The following PCDHGA1 variants were observed in gnomAD, a reference collection of about 807,000 sequenced individuals.
PCDHGA1 encodes protocadherin gamma subfamily A, 1.
PCDHGA1 carries 32 observed loss-of-function variants against 58.0 expected under a neutral mutation model. That is an observed-to-expected ratio of 0.55 (90% confidence interval 0.42 to 0.74). The LOEUF (loss-of-function observed/expected upper bound fraction) is 0.74, where lower values mean the gene tolerates loss of function less well. Among genes scored for constraint, PCDHGA1 ranks in the 30% least tolerant of loss-of-function variants. The probability of loss-of-function intolerance (pLI) is 0.00; values close to 1 mark genes in which losing one functional copy is unlikely to be tolerated. For synonymous variants in PCDHGA1, 498 were observed against 501.1 expected (o/e 0.99, Z 0.08); for missense variants, 1,205 against 1,182.3 (o/e 1.02, Z -0.28).
At chr5:141,505,344 AGCT>A in intron 2 of PCDHGA1, 46 bp from the exon 3 acceptor site, 1 of 1,613,046 alleles carries the variant, frequency 6.2e-7, no homozygotes, top group South Asian at 1.1e-5. Flanking sequence ...GAGGGGCATG[AGCT>A]GTGCCGGCCT....
At chr5:141,372,149 C>T in intron 1 of PCDHGA1, 2 of 1,613,782 alleles carry the variant, frequency 1.2e-6, no homozygotes, top group Non-Finnish European at 1.7e-6. Context: ...CAGAGCCTGG[C>T]TACCTGGTGA....
chr5:141,344,438 A>G, intron 1 of PCDHGA1: 1 of 1,613,630 alleles, frequency 6.2e-7, no homozygotes. Flanking sequence ...ATTTCCCAAC[A>G]GAGGAATTGG....
chr5:141,393,874 G>C, intron 1 of PCDHGA1: 1 of 1,613,944 alleles, frequency 6.2e-7, no homozygotes. Context: ...TCTTTGTTTA[G>C]CCCAGTGTTA....
rs777058727 is a variant in PCDHGA1 at position 141,431,947 on chromosome 5, A to G, written c.2422-62860A>G. 6 of 1,614,052 alleles carry G rather than the reference A, an allele frequency of 3.7e-6. No homozygotes were observed. The highest frequency in any genetic ancestry group is 2.2e-5 in the East Asian group (1 of 44,894). ...GAAATCTGCCCTTTAAATTAGAAAAATCTTACGGAAATTACTATAGTTTAG... is the reference window on the plus strand; with the variant it reads ...GAAATCTGCCCTTTAAATTAGAAAAGTCTTACGGAAATTACTATAGTTTAG... On this transcript the variant is annotated intron_variant, in intron 1 of 3. Transcript: ENST00000517417. This position sits in a 1 kb window ranked among gnomAD's most constrained non-coding sequence, Gnocchi z 4.8.
intron 1 of PCDHGA1, chr5:141,441,943 C>CT: frequency 1.2e-5 from 4 of 336,004 alleles, no homozygotes; most frequent in South Asian, 1.1e-4. Flanking sequence ...CTACCACGTG[C>CT]TGCAGGCCAG....
At chr5:141,421,967 T>C (rs760789458) in intron 1 of PCDHGA1, 2 of 1,611,174 alleles carry the variant, frequency 1.2e-6, no homozygotes, top group Admixed American at 3.4e-5. Flanking sequence ...ACACAGTCCG[T>C]ATATCGCGTG....
intron 1 of PCDHGA1, among the ~76,000 whole-genome samples, chr5:141,457,440 A>C (rs188608086): frequency 1.3e-5 from 2 of 152,334 alleles, no homozygotes; most frequent in African/African-American, 4.8e-5. Flanking sequence ...ACCAAGCTGC[A>C]GAAGATCACC....
rs762121534 is a variant in PCDHGA1, at chr5:141,403,984, A to G, written c.2421+70879A>G. 1.7e-5 allele frequency: 27 copies of G among 1,613,774 alleles called. No homozygotes were observed. The South Asian group carries it at 2.7e-4, about 16-fold the overall frequency. On this transcript the variant is annotated intron_variant, in intron 1 of 3. Coordinates refer to ENST00000517417, the MANE Select transcript of PCDHGA1 (RefSeq NM_018912.3). Reference sequence around the variant, plus strand: ...CGGTGGAAGATGTAAATGACAATAGACCTGAAGTGACCATTACATCTCTGT... The same window carrying G: ...CGGTGGAAGATGTAAATGACAATAGGCCTGAAGTGACCATTACATCTCTGT...
At chr5:141,413,357 G>A (rs2095629700) in intron 1 of PCDHGA1, 2 of 1,613,874 alleles carry the variant, frequency 1.2e-6, no homozygotes, top group South Asian at 1.1e-5. Flanking sequence ...CTGGCGCCCC[G>A]GGAGCTGGCG....
chr5:141,429,913 T>C (rs1013990672), intron 1 of PCDHGA1, among the ~76,000 whole-genome samples: 29 of 152,238 alleles, frequency 1.9e-4, no homozygotes, highest in African/African-American at 7.0e-4. Context: ...TGAAATATAA[T>C]GTATTAATAG....
chr5:141,420,061 G>C, intron 1 of PCDHGA1: 1 of 1,614,076 alleles, frequency 6.2e-7, no homozygotes. Flanking sequence ...TCTGCTCCAA[G>C]TCCGGACCTG....
At chr5:141,360,050 A>G (rs1185756542) in intron 1 of PCDHGA1, 40 of 1,435,476 alleles carry the variant, frequency 2.8e-5, no homozygotes, top group Non-Finnish European at 3.5e-5. Flanking sequence ...AGAAAACAAA[A>G]GCAGGAAAAG....
intron 1 of PCDHGA1, chr5:141,338,715 G>A (rs1756772947): frequency 4.1e-6 from 3 of 731,302 alleles, no homozygotes; most frequent in Middle Eastern, 4.9e-4. Flanking sequence ...AGGCCTCTGA[G>A]CGTCGCTGTT....
At chr5:141,365,935 C>A (rs1191838027) in intron 1 of PCDHGA1, 2 of 1,614,106 alleles carry the variant, frequency 1.2e-6, no homozygotes, top group African/African-American at 2.7e-5. Flanking sequence ...TGACAGCCAG[C>A]GACAGTGGGA....
chr5:141,403,079 T>A (rs770770660), intron 1 of PCDHGA1: 1 of 1,614,064 alleles, frequency 6.2e-7, no homozygotes, highest in East Asian at 2.2e-5. Context: ...AGAAAAGGGC[T>A]ATATTGTGGG....
chr5:141,427,023 G>A, intron 1 of PCDHGA1: 1 of 456,968 alleles, frequency 2.2e-6, no homozygotes, highest in Non-Finnish European at 4.4e-6. Flanking sequence ...TGTATACAAA[G>A]TCAGCCTTAG....
chr5:141,348,170 G>A (rs1267534458), intron 1 of PCDHGA1, among the ~76,000 whole-genome samples: 2 of 152,200 alleles, frequency 1.3e-5, no homozygotes, highest in African/African-American at 4.8e-5. Context: ...ACCAAAATAT[G>A]TTTTATTAGA....
At chr5:141,419,977 G>A (rs962684463) in intron 1 of PCDHGA1, 1 of 1,614,066 alleles carries the variant, frequency 6.2e-7, no homozygotes, top group Non-Finnish European at 8.5e-7. Context: ...TTCTCCTCGC[G>A]GTGATTCTAG....
In PCDHGA1 at chr5:141,505,414, C is replaced by T. The variant is rs373956550; in HGVS notation, c.2502C>T (p.Thr834=). The T allele has an allele frequency of 3.0e-5, 48 of 1,614,046 alleles. No homozygotes were observed. In the African/African-American group the frequency reaches 3.1e-4, roughly 10 times the overall value. The change falls in exon 3 of 4, where the codon ACC becomes ACT. Residue 834 remains threonine (T), a synonymous_variant. Transcript: ENST00000517417. ...CCAGCTCCCAAAATGGCGATGACACCGGCACCTGGCCCAACAACCAGTTTG... is the reference window on the plus strand; with the variant it reads ...CCAGCTCCCAAAATGGCGATGACACTGGCACCTGGCCCAACAACCAGTTTG... ...GTSGSQNGDD[T]GTWPNNQFDT...
Sources: gnomAD v4.1 joint callset for allele counts (sites outside exome capture counted in the v4.1 genomes callset) on GRCh38, gnomAD v4.1.1 for gene constraint, Gnocchi (gnomAD v3.1) non-coding constraint, MANE v1.5 for transcripts, NCBI Gene and HGNC (gene_info 2026-07-23, HGNC 2026-07-21) for gene names.